The following SESN3 variants were observed in gnomAD, a reference collection of about 807,000 sequenced individuals.
SESN3 encodes the protein sestrin-3.
SESN3 carries 21 observed loss-of-function variants against 55.3 expected under a neutral mutation model. That is an observed-to-expected ratio of 0.38 (90% CI 0.27 to 0.55). The LOEUF (loss-of-function observed/expected upper bound fraction) is 0.55. SESN3 is among the 20% of genes least tolerant of loss of function. The pLI is 0.76. For synonymous variants in SESN3, 181 were observed against 203.1 expected (o/e 0.89, Z 0.93); for missense variants, 408 against 604.3 (o/e 0.68, Z 3.41).
intron 1 of SESN3, among the ~76,000 whole-genome samples, chr11:95,207,274 G>T (rs948531037): frequency 6.0e-5 from 9 of 151,158 alleles, no homozygotes; most frequent in Non-Finnish European, 1.2e-4. Flanking sequence ...TGCCTAAAGG[G>T]GTTTACAAAC....
At chr11:95,174,657 TATTTTTTAGTAG>T (rs1859921324) in intron 9 of SESN3, among the ~76,000 whole-genome samples, 3 of 152,134 alleles carry the variant, frequency 2.0e-5, no homozygotes, top group Non-Finnish European at 4.4e-5. Flanking sequence ...CTAATTTTTG[TATTTTTTAGTAG>T]AAATGGGGTT....
chr11:95,199,934 T>A (rs1384597367), intron 1 of SESN3, among the ~76,000 whole-genome samples: 2 of 152,140 alleles, frequency 1.3e-5, no homozygotes, highest in East Asian at 1.9e-4. Flanking sequence ...AACCCCACAA[T>A]TTTTAAAGAT....
At position 95,184,425 on chromosome 11, in the gene SESN3, T is replaced by A; in HGVS notation, c.932A>T (p.His311Leu). 1 of 1,613,376 alleles carries A rather than the reference T, an allele frequency of 6.2e-7. No homozygotes were observed. The change falls in exon 6 of 10, where the codon CAT (histidine) becomes CTT (leucine). Residue 311 changes from histidine to leucine, a missense_variant. This residue lies in a region of SESN3 where 119 missense variants were observed against 139.9 expected (regional missense o/e 0.85). Coordinates refer to ENST00000536441, the MANE Select transcript of SESN3 (RefSeq NM_144665.4). ...AAAAAAGTGCAAAAAAGCACCTGAA[T>A]GAGGAAATGAATGAAAAGTATCTCC... is the stretch of plus-strand genomic sequence containing the variant. Reference protein sequence around the residue: ...VSGDTFHSFPHSDFEDDMIIT... With the variant: ...VSGDTFHSFPLSDFEDDMIIT...
chr11:95,180,150 T>C (rs1860033524), intron 6 of SESN3, among the ~76,000 whole-genome samples: 1 of 152,160 alleles, frequency 6.6e-6, no homozygotes. Context: ...ATATTTTCAT[T>C]ATAAGTATTT....
intron 3 of SESN3, 128 bp downstream of exon 3, chr11:95,191,276 C>T: frequency 1.4e-6 from 1 of 737,882 alleles, no homozygotes; most frequent in Non-Finnish European, 2.4e-6. Flanking sequence ...AGGCCATAGG[C>T]TTCTTCAGTT....
At chr11:95,179,451 T>C (rs1310474920) in intron 6 of SESN3, among the ~76,000 whole-genome samples, 1 of 152,090 alleles carries the variant, frequency 6.6e-6, no homozygotes, top group Non-Finnish European at 1.5e-5. Context: ...TTTGTTTTTA[T>C]CTCTCCAGGG....
At position 95,230,679 on chromosome 11, in the gene SESN3, G is replaced by T. The variant is rs909929306; in HGVS notation, c.78+104C>A. The T allele has an allele frequency of 1.3e-6, 1 of 777,868 alleles. No homozygotes were observed. The highest frequency in any genetic ancestry group is 2.1e-6 in the Non-Finnish European group (1 of 475,974). The allele number at this position is 777,868 out of a possible 1,614,324, so 48.2% of individuals were successfully genotyped here. On this transcript the variant is annotated intron_variant, in intron 1 of 9. Transcript: ENST00000536441. The surrounding 1 kb of genome is among the most constrained non-coding windows in gnomAD (Gnocchi z 4.6). ...GTCCCTGCGGAGGGACGGTGCCCGG[G>T]GATCCCTCTCAGCCTCCCCCAGTGC...
intron 1 of SESN3, among the ~76,000 whole-genome samples, chr11:95,193,817 C>T (rs1860310817): frequency 6.6e-6 from 1 of 152,094 alleles, no homozygotes; most frequent in Non-Finnish European, 1.5e-5. Context: ...TGCCTGAAAA[C>T]CATTAACCTC....
Position 95,225,132 on chromosome 11 carries a change from C to T in SESN3, c.78+5651G>A, listed in dbSNP as rs1011652138. 3.0e-4 allele frequency among the ~76,000 whole-genome samples: 45 copies of T among 152,192 alleles called. 4 individuals are homozygous for T. The highest frequency in any genetic ancestry group is 2.4e-5 in the African/African-American group (1 of 41,444). ...GCAGTGGTAAAGAACACAGTGATAA[C>T]GGTTTGGTGCCACTAACCTGATTAA... On this transcript the variant is annotated intron_variant, in intron 1 of 9. Transcript: ENST00000536441.
At chr11:95,176,400 A>C (rs2134215147) in intron 8 of SESN3, among the ~76,000 whole-genome samples, 1 of 152,322 alleles carries the variant, frequency 6.6e-6, no homozygotes, top group East Asian at 1.9e-4. Context: ...GGAGAAATTA[A>C]GTGTGTTTCA....
At chr11:95,191,979 TTCATC>T (rs1225041762) in intron 2 of SESN3, among the ~76,000 whole-genome samples, 1 of 152,064 alleles carries the variant, frequency 6.6e-6, no homozygotes, top group Non-Finnish European at 1.5e-5. Flanking sequence ...CATTTACAAT[TTCATC>T]TCATCAGCCT....
intron 1 of SESN3, among the ~76,000 whole-genome samples, chr11:95,213,257 G>A (rs1860691943): frequency 6.6e-6 from 1 of 151,994 alleles, no homozygotes; most frequent in African/African-American, 2.4e-5. Flanking sequence ...CACATAATTT[G>A]TTTAACCAAT....
At chr11:95,181,008 G>A (rs1489381049) in intron 6 of SESN3, among the ~76,000 whole-genome samples, 1 of 151,988 alleles carries the variant, frequency 6.6e-6, no homozygotes, top group East Asian at 1.9e-4. Context: ...TGCTATGAAA[G>A]GTAGTTTTAT....
chr11:95,190,115 A>T (rs539136013), intron 3 of SESN3, among the ~76,000 whole-genome samples, 154 bp from the exon 4 acceptor site: 1 of 151,972 alleles, frequency 6.6e-6, no homozygotes, highest in Non-Finnish European at 1.5e-5. Context: ...CATCATAATG[A>T]TGTAATAGAT....
chr11:95,177,704 C>T lies in SESN3; in HGVS notation c.1247+15G>A, dbSNP rs971920149. 1.9e-6 allele frequency: 3 copies of T among 1,578,190 alleles called. No individual in the cohort carries two copies. In the African/African-American group the frequency reaches 4.2e-5, roughly 22 times the overall value. ...CACTTAGAAATGTAAAAAACTGTCTCTACAATGAACATACCTGATTCCAAA... is the reference window on the plus strand; with the variant it reads ...CACTTAGAAATGTAAAAAACTGTCTTTACAATGAACATACCTGATTCCAAA... On this transcript the variant is annotated intron_variant, in intron 8 of 9. Transcript: ENST00000536441.
chr11:95,202,518 G>A (rs765669673), intron 1 of SESN3, among the ~76,000 whole-genome samples: 2 of 151,920 alleles, frequency 1.3e-5, no homozygotes, highest in Non-Finnish European at 2.9e-5. Context: ...CCCATAATTT[G>A]TACCACTTTC....
intron 1 of SESN3, among the ~76,000 whole-genome samples, chr11:95,226,852 T>C (rs1379769178): frequency 1.3e-5 from 2 of 152,250 alleles, no homozygotes; most frequent in Non-Finnish European, 2.9e-5. Context: ...AGTTAAAACA[T>C]ACTTAAAAAT....
rs1180360446 is a variant in SESN3, at chr11:95,231,179, A to ACCGCCACCG, written c.-320_-319insCGGTGGCGG. ...AGCCGCCACCGCTGCCACCGCCACC[A>ACCGCCACCG]CCGCCGCCGCAGCGCCTCAGTGCGG... is the stretch of plus-strand genomic sequence containing the variant. On this transcript the variant is annotated 5_prime_UTR_variant, in exon 1 of 10. Transcript: ENST00000536441. 2.3e-3 allele frequency: 660 copies of ACCGCCACCG among 291,842 alleles called. 4 individuals are homozygous for ACCGCCACCG. The highest frequency in any genetic ancestry group is 0.011 in the African/African-American group (405 of 37,830). The allele number at this position is 291,842 out of a possible 1,614,324, so 18.1% of individuals were successfully genotyped here. A position where few individuals can be genotyped will look rare whatever the true frequency, so the allele number is the denominator to read the frequency against.
intron 1 of SESN3, among the ~76,000 whole-genome samples, chr11:95,196,521 C>T (rs181219146): frequency 2.8e-3 from 425 of 152,006 alleles, no homozygotes; most frequent in Non-Finnish European, 4.5e-3. Context: ...GCCTTTCCTC[C>T]GCCTTTCTTT....
Sources: gnomAD v4.1 joint callset for allele counts (sites outside exome capture counted in the v4.1 genomes callset) on GRCh38, gnomAD v4.1.1 for gene constraint, gnomAD v4.1.1 regional missense constraint, Gnocchi (gnomAD v3.1) non-coding constraint, MANE v1.5 for transcripts, NCBI Gene and HGNC (gene_info 2026-07-23, HGNC 2026-07-21) for gene names.